Variants in PPP2R5C observed in about 807,000 individuals in gnomAD.
PPP2R5C encodes the protein protein phosphatase 2 regulatory subunit B'gamma, also known as serine/threonine-protein phosphatase 2A 56 kDa regulatory subunit gamma isoform.
In PPP2R5C, 7 loss-of-function variants were observed where a neutral mutation model predicts 68.9. The ratio of observed to expected loss-of-function variants is 0.10; its 90% CI spans 0.06 to 0.19. The LOEUF (loss-of-function observed/expected upper bound fraction) is 0.19. Ranked by LOEUF, PPP2R5C falls within the 10% of genes least tolerant of loss-of-function variation. The pLI is 1.00. For synonymous variants in PPP2R5C, 210 were observed against 222.2 expected (o/e 0.95, Z 0.49); for missense variants, 348 against 641.3 (o/e 0.54, Z 4.94).
chr14:101,887,211 C>T (rs925466148), intron 5 of PPP2R5C, among the ~76,000 whole-genome samples: 2 of 152,242 alleles, frequency 1.3e-5, no homozygotes, highest in African/African-American at 2.4e-5. Flanking sequence ...ATGGTGCCTG[C>T]TCTGGCACAC....
At chr14:101,858,052 C>T (rs1373814969) in intron 2 of PPP2R5C, among the ~76,000 whole-genome samples, 1 of 152,194 alleles carries the variant, frequency 6.6e-6, no homozygotes, top group Non-Finnish European at 1.5e-5. Context: ...ACTGGCATGG[C>T]TACCATGTAG....
At chr14:101,850,568 T>C (rs1368697857) in intron 1 of PPP2R5C, among the ~76,000 whole-genome samples, 1 of 152,022 alleles carries the variant, frequency 6.6e-6, no homozygotes, top group Non-Finnish European at 1.5e-5. Context: ...CAGATCTGTA[T>C]GGGAAATATA....
chr14:101,808,121 T>G (rs1250324035), upstream of PPP2R5C, among the ~76,000 whole-genome samples: 1 of 150,706 alleles, frequency 6.6e-6, no homozygotes, highest in Non-Finnish European at 1.5e-5. Context: ...GGCTGGGGTG[T>G]GGGGCAGTGA....
chr14:101,846,729 G>A (rs1187458389), intron 1 of PPP2R5C, among the ~76,000 whole-genome samples: 2 of 152,208 alleles, frequency 1.3e-5, no homozygotes, highest in Admixed American at 1.3e-4. Flanking sequence ...GGGTTTGCCT[G>A]GAAGAGGGCT....
At chr14:101,873,009 T>A (rs182088011) in intron 2 of PPP2R5C, among the ~76,000 whole-genome samples, 28 of 152,302 alleles carry the variant, frequency 1.8e-4, no homozygotes, top group Non-Finnish European at 3.2e-4. Flanking sequence ...GTCTATTCTG[T>A]TAATTTTTAT....
intron 1 of PPP2R5C, among the ~76,000 whole-genome samples, chr14:101,762,189 G>C (rs2036582587): frequency 6.6e-6 from 1 of 151,826 alleles, no homozygotes. Context: ...GGCTGGGCGT[G>C]GAGGGAGGGC....
At chr14:101,816,799 T>A (rs963661688) in intron 1 of PPP2R5C, among the ~76,000 whole-genome samples, 1 of 149,592 alleles carries the variant, frequency 6.7e-6, no homozygotes, top group Non-Finnish European at 1.5e-5. Context: ...CAATATACAA[T>A]TATTCATTGA....
intron 1 of PPP2R5C, among the ~76,000 whole-genome samples, chr14:101,821,452 G>GGGGT (rs1555386194): frequency 5.0e-4 from 61 of 121,430 alleles, no homozygotes; most frequent in Middle Eastern, 4.5e-3. Flanking sequence ...TGGGTGGGTG[G>GGGGT]GTGTGTGTGT....
chr14:101,859,275 C>T (rs957790628), intron 2 of PPP2R5C, among the ~76,000 whole-genome samples: 2 of 152,154 alleles, frequency 1.3e-5, no homozygotes, highest in Non-Finnish European at 2.9e-5. Flanking sequence ...ACGGTGATGC[C>T]GTGAATAAAA....
upstream of PPP2R5C, chr14:101,760,592 A>G (rs1231617457): frequency 9.3e-6 from 6 of 644,730 alleles, no homozygotes; most frequent in African/African-American, 9.6e-5. Context: ...GGAGGGCGGG[A>G]CCAACCAGGA....
intron 9 of PPP2R5C, among the ~76,000 whole-genome samples, chr14:101,905,392 C>G (rs1259481536): frequency 6.6e-6 from 1 of 151,788 alleles, no homozygotes; most frequent in Non-Finnish European, 1.5e-5. Context: ...GGCGTGGTAG[C>G]TCACGCCTGT....
intron 3 of PPP2R5C, among the ~76,000 whole-genome samples, chr14:101,792,213 CA>C (rs2038392533): frequency 6.6e-6 from 1 of 152,222 alleles, no homozygotes; most frequent in Non-Finnish European, 1.5e-5. Context: ...TGCCTATCAT[CA>C]GAAGTGATGC....
intron 13 of PPP2R5C, chr14:101,922,012 C>A: frequency 7.1e-6 from 7 of 985,400 alleles, no homozygotes; most frequent in Non-Finnish European, 8.4e-6. Context: ...GTGTCAACCA[C>A]GCAAGTAAGG....
At chr14:101,912,553 TG>T (rs58436253) in intron 12 of PPP2R5C, 80 bp downstream of exon 14, 61 of 1,415,556 alleles carry the variant, frequency 4.3e-5, no homozygotes, top group Admixed American at 2.5e-4. Context: ...GTCTTCACCA[TG>T]GGGGGGGTCT....
chr14:101,859,052 G>A (rs560108144), intron 2 of PPP2R5C, among the ~76,000 whole-genome samples: 33 of 152,232 alleles, frequency 2.2e-4, no homozygotes, highest in African/African-American at 7.2e-4. Flanking sequence ...CCCAAACCTC[G>A]CGCTGGGCTC....
chr14:101,857,432 C>G (rs1230237438), intron 2 of PPP2R5C, among the ~76,000 whole-genome samples: 2 of 152,166 alleles, frequency 1.3e-5, no homozygotes, highest in Non-Finnish European at 2.9e-5. Flanking sequence ...CCTGTCAGTG[C>G]TAGGATCAGG....
chr14:101,897,464 G>A (rs2045409501), intron 8 of PPP2R5C, among the ~76,000 whole-genome samples: 1 of 150,726 alleles, frequency 6.6e-6, no homozygotes, highest in African/African-American at 2.4e-5. Context: ...TAGCCCGTCT[G>A]CAAGCTGAGG....
Position 101,781,693 on chromosome 14 carries a change from C to T in PPP2R5C, c.94-4325C>T, listed in dbSNP as rs1319905189. On this transcript the variant is annotated intron_variant, in intron 2 of 14. Transcript: ENST00000328724. The surrounding 1 kb of genome is among the most constrained non-coding windows in gnomAD (Gnocchi z 6.4). ...CTTTGCCCCGGCCTCCGCTGCCTCG[C>T]CCCGGAGCCCGGAGGAGGGGAGCCG... is the stretch of plus-strand genomic sequence containing the variant. Among the ~76,000 whole-genome samples, 2 of 152,104 alleles carry T rather than the reference C, an allele frequency of 1.3e-5. No individual in the cohort carries two copies. Among genetic ancestry groups the T allele is most frequent in the Admixed American group, 6.5e-5 (1 of 15,288 alleles).
chr14:101,869,316 A>G (rs1214469903), intron 2 of PPP2R5C, among the ~76,000 whole-genome samples: 1 of 152,130 alleles, frequency 6.6e-6, no homozygotes, highest in Non-Finnish European at 1.5e-5. Context: ...AAGTAACACC[A>G]TTTGCTTATC....
Sources: gnomAD v4.1 joint callset for allele counts (sites outside exome capture counted in the v4.1 genomes callset) on GRCh38, gnomAD v4.1.1 for gene constraint, Gnocchi (gnomAD v3.1) non-coding constraint, MANE v1.5 for transcripts, NCBI Gene and HGNC (gene_info 2026-07-23, HGNC 2026-07-21) for gene names.